SUGP1: variants seen among roughly 807,000 people sequenced by gnomAD.
SUGP1 encodes SURP and G-patch domain containing 1, also known as SURP and G-patch domain-containing protein 1.
SUGP1 carries 34 observed loss-of-function variants against 76.5 expected under a neutral mutation model. That is an observed-to-expected ratio of 0.44 (90% CI 0.34 to 0.59). The LOEUF (loss-of-function observed/expected upper bound fraction) is 0.59. Ranked by LOEUF, SUGP1 falls within the 20% of genes least tolerant of loss-of-function variation. The pLI is 0.01. For synonymous variants in SUGP1, 326 were observed against 326.2 expected (o/e 1.00, Z 0.01); for missense variants, 752 against 851.7 (o/e 0.88, Z 1.46).
intron 3 of SUGP1, among the ~76,000 whole-genome samples, chr19:19,309,078 G>C (rs1310006617): frequency 2.0e-5 from 3 of 151,968 alleles, no homozygotes; most frequent in African/African-American, 7.2e-5. Flanking sequence ...TGTTGGTCAG[G>C]CTGATCTCGA....
chr19:19,319,472 C>T (rs2061421492), intron 1 of SUGP1, among the ~76,000 whole-genome samples: 1 of 151,734 alleles, frequency 6.6e-6, no homozygotes, highest in East Asian at 1.9e-4. Flanking sequence ...GTGGCTCACA[C>T]CTTTACGTAA....
rs200062643 is a variant in SUGP1, at chr19:19,297,106, C to T, written c.1126G>A (p.Ala376Thr). The T allele has an allele frequency of 1.2e-4, 199 of 1,613,854 alleles. No homozygotes were observed. In the African/African-American group the frequency reaches 1.9e-3, roughly 16 times the overall value. Residue 376 changes from alanine to threonine, a missense_variant, in exon 8 of 14, where the codon GCA becomes ACA. By Grantham distance (58) the Ala-to-Thr change is moderately conservative. Around this residue, in one of 2 missense-constraint regions of SUGP1, gnomAD observed 620 missense variants for 617.3 expected, o/e 1.00. Coordinates refer to ENST00000247001, the MANE Select transcript of SUGP1 (RefSeq NM_172231.4). ...TTCCGCTTCCTCTTCACGGTGGCTGCGGAGGCTGGCTTCCCGGGGGCAGCT... is the reference window on the plus strand; with the variant it reads ...TTCCGCTTCCTCTTCACGGTGGCTGTGGAGGCTGGCTTCCCGGGGGCAGCT... ...APAAPGKPASAATVKRKRKSR... is the reference protein window; with the variant it reads ...APAAPGKPASTATVKRKRKSR...
intron 8 of SUGP1, among the ~76,000 whole-genome samples, chr19:19,291,592 C>G (rs536769194): frequency 1.3e-5 from 2 of 151,748 alleles, no homozygotes; most frequent in East Asian, 3.9e-4. Context: ...AACCTTCCAA[C>G]AAAAAAAGGC....
chr19:19,317,843 C>T (rs1219518710), intron 1 of SUGP1, among the ~76,000 whole-genome samples: 5 of 123,792 alleles, frequency 4.0e-5, no homozygotes, highest in Non-Finnish European at 8.1e-5. Context: ...CGAACTGTTA[C>T]TCTGTCAGCC....
chr19:19,304,892 C>T (rs1269364393), intron 4 of SUGP1, among the ~76,000 whole-genome samples: 2 of 152,148 alleles, frequency 1.3e-5, no homozygotes, highest in Admixed American at 1.3e-4. Context: ...GGTCGCCCTC[C>T]TGCCATGGGC....
intron 11 of SUGP1, 46 bp from the exon 12 acceptor site, chr19:19,277,925 G>C (rs368530966): frequency 1.2e-5 from 20 of 1,604,978 alleles, no homozygotes; most frequent in Middle Eastern, 1.7e-4. Flanking sequence ...CTGGGGCTGT[G>C]GTGGCCCCCA....
At position 19,280,256 on chromosome 19, in the gene SUGP1, T is replaced by C; in HGVS notation, c.1279A>G (p.Lys427Glu). Residue 427 changes from lysine (K) to glutamate (E), a missense_variant, in exon 9 of 14, where the codon AAG becomes GAG. This residue lies in a region of SUGP1 where 620 missense variants were observed against 617.3 expected (regional missense o/e 1.00). Transcript: ENST00000247001. ...DLKGLGYEKG[K>E]PVGLVGVTEL... ...GTGACGCCCACTAGACCCACAGGCT[T>C]CCCCTTCTCATAGCCGAGCCCCTTG... The C allele has an allele frequency of 6.2e-7, 1 of 1,613,958 alleles. No individual in the cohort carries two copies. Among genetic ancestry groups the C allele is most frequent in the Non-Finnish European group, 8.5e-7 (1 of 1,179,982 alleles).
chr19:19,316,912 C>T (rs1047862037), intron 1 of SUGP1, among the ~76,000 whole-genome samples: 2 of 151,992 alleles, frequency 1.3e-5, no homozygotes, highest in African/African-American at 2.4e-5. Context: ...CAGGGGCAGG[C>T]GGATCACTTG....
chr19:19,313,851 A>G (rs2061370207), intron 2 of SUGP1, among the ~76,000 whole-genome samples: 1 of 152,094 alleles, frequency 6.6e-6, no homozygotes, highest in South Asian at 2.1e-4. Context: ...AAAATACAAA[A>G]AAATGGCCGG....
chr19:19,291,889 T>TCTCACA (rs1279126542), intron 8 of SUGP1, among the ~76,000 whole-genome samples: 70 of 128,710 alleles, frequency 5.4e-4, no homozygotes, highest in Middle Eastern at 3.9e-3. Flanking sequence ...TGAGACTCTG[T>TCTCACA]CACACACACA....
intron 2 of SUGP1, among the ~76,000 whole-genome samples, chr19:19,314,618 T>A (rs2061379094): frequency 6.6e-6 from 1 of 152,144 alleles, no homozygotes; most frequent in Admixed American, 6.6e-5. Context: ...CCCTGAGCAC[T>A]TCACTCAGGA....
At chr19:19,305,822 G>T in intron 4 of SUGP1, 27 bp downstream of exon 4, 1 of 1,568,768 alleles carries the variant, frequency 6.4e-7, no homozygotes, top group Non-Finnish European at 8.7e-7. Flanking sequence ...CACTGGTGGT[G>T]GGGGAGCAGC....
chr19:19,279,280 C>A lies in SUGP1; in HGVS notation c.1461G>T (p.Glu487Asp), dbSNP rs1164420519. The A allele has an allele frequency of 6.2e-7, 1 of 1,611,454 alleles. No homozygotes were observed. Among genetic ancestry groups the A allele is most frequent in the East Asian group, 2.2e-5 (1 of 44,868 alleles). The part of the protein sequence containing the change: ...QQHQHGYDSD[E>D]EVDSELGTWE... ...AGGTGCCCAGCTCGCTGTCCACCTC[C>A]TCATCACTGTCATAGCCGTGCTGGT... The change falls in exon 10 of 14, where the codon GAG becomes GAT. Residue 487 changes from glutamate (E) to aspartate (D), a missense_variant. By Grantham distance (45) the Glu-to-Asp change is conservative. Transcript: ENST00000247001.
At chr19:19,320,374 G>T in intron 1 of SUGP1, 89 bp downstream of exon 1, 3 of 1,389,390 alleles carry the variant, frequency 2.2e-6, no homozygotes, top group Non-Finnish European at 2.9e-6. Context: ...GGGATCCACG[G>T]GTCGCAGCAG....
At chr19:19,314,948 C>A (rs185215619) in intron 2 of SUGP1, among the ~76,000 whole-genome samples, 2 of 149,236 alleles carry the variant, frequency 1.3e-5, no homozygotes, top group Non-Finnish European at 3.0e-5. Context: ...GCAGGAGAAT[C>A]GCTTGAAACT....
intron 8 of SUGP1, 81 bp downstream of exon 8, chr19:19,296,906 CTG>C (rs1360028877): frequency 1.7e-6 from 2 of 1,178,274 alleles, no homozygotes; most frequent in Non-Finnish European, 1.2e-6. Context: ...ACAAGCTACA[CTG>C]TGGATGAACC....
chr19:19,281,692 G>A (rs1341357954), intron 8 of SUGP1, among the ~76,000 whole-genome samples: 2 of 152,224 alleles, frequency 1.3e-5, no homozygotes, highest in Admixed American at 6.5e-5. Flanking sequence ...TGTGTTGAGC[G>A]CCAGTGAAGG....
intron 3 of SUGP1, among the ~76,000 whole-genome samples, chr19:19,309,248 G>C (rs1442005048): frequency 1.3e-5 from 2 of 152,110 alleles, no homozygotes; most frequent in African/African-American, 4.8e-5. Flanking sequence ...ACTTTGGAAG[G>C]CTGAGACAGG....
chr19:19,280,023 G>A (rs532075213), intron 9 of SUGP1, among the ~76,000 whole-genome samples, 162 bp downstream of exon 9: 7 of 152,326 alleles, frequency 4.6e-5, no homozygotes, highest in Non-Finnish European at 1.0e-4. Flanking sequence ...CTGGGGCAGG[G>A]GGACCTGCCT....
Sources: allele counts gnomAD v4.1 joint callset (sites outside exome capture counted in the v4.1 genomes callset), GRCh38; gene constraint gnomAD v4.1.1; regional missense constraint gnomAD v4.1.1; transcripts MANE v1.5; gene names NCBI Gene and HGNC (gene_info 2026-07-23, HGNC 2026-07-21).